Variants in COL5A1 observed in about 807,000 individuals in gnomAD.
COL5A1 encodes the protein collagen type V alpha 1 chain.
Under a neutral mutation model 263.7 loss-of-function variants are expected in COL5A1, and 16 were observed. That is an observed-to-expected ratio of 0.06 (90% CI 0.04 to 0.09). COL5A1 has a LOEUF of 0.09. Ranked by LOEUF, COL5A1 falls within the 10% of genes least tolerant of loss-of-function variation. COL5A1 has a pLI of 1.00. For missense variants in COL5A1, 2,036 were observed against 2,540.5 expected, an observed-to-expected ratio of 0.80 and a Z score of 4.27; for synonymous variants, 1,012 against 1,004.5, an observed-to-expected ratio of 1.01 and a Z score of -0.14.
intron 11 of COL5A1, among the ~76,000 whole-genome samples, chr9:134,748,226 C>T (rs1208481238): frequency 2.0e-5 from 3 of 151,762 alleles, no homozygotes; most frequent in Non-Finnish European, 2.9e-5. Context: ...CATTCATATG[C>T]ACACCCACAC....
intron 28 of COL5A1, among the ~76,000 whole-genome samples, chr9:134,781,034 G>C (rs79631623): frequency 0.027 from 4,042 of 152,352 alleles, 148 homozygotes; most frequent in South Asian, 0.077. Flanking sequence ...TGGAGTGCGG[G>C]TGCTGGCGTG....
chr9:134,758,337 A>C lies in COL5A1; in HGVS notation c.1935+41A>C, dbSNP rs763589802. On this transcript the variant is annotated intron_variant, in intron 18 of 65. Coordinates refer to ENST00000371817, the MANE Select transcript of COL5A1 (RefSeq NM_000093.5). This position sits in a 1 kb window ranked among gnomAD's most constrained non-coding sequence, Gnocchi z 4.1. ...GTGAGACACAGGCATGACGATGGGC[A>C]GCAGAGGTGTCTCTCGGGAGGCCCT... The C allele has an allele frequency of 1.3e-6, 2 of 1,599,684 alleles. No homozygotes were observed. The highest frequency in any genetic ancestry group is 1.7e-6 in the Non-Finnish European group (2 of 1,167,018).
intron 1 of COL5A1, among the ~76,000 whole-genome samples, chr9:134,688,419 G>A (rs1183686772): frequency 1.3e-5 from 2 of 152,222 alleles, no homozygotes; most frequent in South Asian, 2.1e-4. Flanking sequence ...GGCAGCTGGC[G>A]CATCCTCTCT....
chr9:134,767,047 C>T lies in COL5A1; in HGVS notation c.2181C>T (p.Gly727=), dbSNP rs201298716. The change falls in exon 23 of 66, where the codon GGC becomes GGT. Residue 727 remains glycine, a synonymous_variant. Coordinates refer to ENST00000371817, the MANE Select transcript of COL5A1 (RefSeq NM_000093.5). ...PGPPGQQGNP[G]AQGLPGPQGA... is the part of the protein sequence containing the mutation. Reference sequence around the variant, plus strand: ...CCCCAGGACAGCAGGGTAATCCAGGCGCCCAGGTAAGTGAGCCTGAGAGAG... The same window carrying T: ...CCCCAGGACAGCAGGGTAATCCAGGTGCCCAGGTAAGTGAGCCTGAGAGAG... 1.5e-5 allele frequency: 24 copies of T among 1,613,466 alleles called. No individual in the cohort carries two copies. The highest frequency in any genetic ancestry group is 9.3e-5 in the African/African-American group (7 of 75,038).
chr9:134,811,189 CT>C, intron 44 of COL5A1, 149 bp from the exon 45 acceptor site: 1 of 792,490 alleles, frequency 1.3e-6, no homozygotes, highest in Non-Finnish European at 2.3e-6. Context: ...CTGCAGCAGG[CT>C]TGCATCGTGG....
At chr9:134,733,583 A>C (rs1333870744) in intron 9 of COL5A1, among the ~76,000 whole-genome samples, 1 of 152,234 alleles carries the variant, frequency 6.6e-6, no homozygotes, top group Admixed American at 6.5e-5. Context: ...GAGGCATGAA[A>C]GGAGACTCTG....
At chr9:134,649,233 T>C (rs1831584847) in intron 1 of COL5A1, among the ~76,000 whole-genome samples, 1 of 152,170 alleles carries the variant, frequency 6.6e-6, no homozygotes, top group Non-Finnish European at 1.5e-5. Flanking sequence ...GAGTTATCCA[T>C]GTCAGATAGT....
intron 11 of COL5A1, among the ~76,000 whole-genome samples, chr9:134,750,150 A>AGTCTTTGTTTCCTGTTGGG (rs1306927059): frequency 1.3e-5 from 2 of 152,224 alleles, no homozygotes; most frequent in Admixed American, 1.3e-4. Flanking sequence ...TTGAGCCTGG[A>AGTCTTTGTTTCCTGTTGGG]GTCTTTGTTT....
chr9:134,815,727 A>G, intron 51 of COL5A1, 98 bp downstream of exon 51: 1 of 1,407,926 alleles, frequency 7.1e-7, no homozygotes, highest in Non-Finnish European at 9.9e-7. Flanking sequence ...TTTGTGATGA[A>G]CTCCCACTGG....
rs1042499561 is a variant in COL5A1, at chr9:134,714,365, G to A, written c.655-12901G>A. On this transcript the variant is annotated intron_variant, in intron 4 of 65. Coordinates refer to ENST00000371817, the MANE Select transcript of COL5A1 (RefSeq NM_000093.5). Reference sequence around the variant, plus strand: ...TGATGATGATGATAACAGTGGTGTGGTGGTAATGGTCATGATGGTAGTGAT... The same window carrying A: ...TGATGATGATGATAACAGTGGTGTGATGGTAATGGTCATGATGGTAGTGAT... 2.0e-5 allele frequency among the ~76,000 whole-genome samples: 3 copies of A among 150,644 alleles called. 1 individual carries two copies. In the South Asian group the frequency reaches 6.5e-4, roughly 32 times the overall value.
chr9:134,731,870 G>T (rs1479543642), intron 8 of COL5A1, among the ~76,000 whole-genome samples: 1 of 152,180 alleles, frequency 6.6e-6, no homozygotes, highest in Non-Finnish European at 1.5e-5. Context: ...TCTCCTCTGG[G>T]CCTGTTTCTT....
rs564027090 is a variant in COL5A1 at position 134,716,845 on chromosome 9, C to T, written c.655-10421C>T. On this transcript the variant is annotated intron_variant, in intron 4 of 65. Coordinates refer to ENST00000371817, the MANE Select transcript of COL5A1 (RefSeq NM_000093.5). The surrounding 1 kb of genome is among the most constrained non-coding windows in gnomAD (Gnocchi z 4.5). Reference sequence around the variant, plus strand: ...TGTTGTGAGTAGACTTGACCCTACACGTCTTGGGCTGGTGGCTGCAGGTGA... The same window carrying T: ...TGTTGTGAGTAGACTTGACCCTACATGTCTTGGGCTGGTGGCTGCAGGTGA... Among the ~76,000 whole-genome samples the T allele has an allele frequency of 2.1e-4, 32 of 152,290 alleles. No individual in the cohort carries two copies. The highest frequency in any genetic ancestry group is 3.4e-3 in the Middle Eastern group (1 of 294).
chr9:134,834,446 T>C (rs543327739), intron 64 of COL5A1, among the ~76,000 whole-genome samples: 7 of 152,312 alleles, frequency 4.6e-5, no homozygotes, highest in Admixed American at 3.3e-4. Context: ...CAGCTGGCAC[T>C]GCAGTGGGTG....
At chr9:134,788,129 C>A (rs549172686) in intron 31 of COL5A1, among the ~76,000 whole-genome samples, 2 of 135,428 alleles carry the variant, frequency 1.5e-5, no homozygotes, top group Admixed American at 7.3e-5. Flanking sequence ...GGGGTAGATA[C>A]ATAGATGGAT....
chr9:134,816,488 T>C (rs1156768934), intron 52 of COL5A1, among the ~76,000 whole-genome samples: 1 of 152,222 alleles, frequency 6.6e-6, no homozygotes, highest in Non-Finnish European at 1.5e-5. Flanking sequence ...AGGAGGCCCC[T>C]GAGGCCTTGC....
At chr9:134,722,370 T>C (rs1834494600) in intron 4 of COL5A1, among the ~76,000 whole-genome samples, 2 of 152,208 alleles carry the variant, frequency 1.3e-5, no homozygotes, top group African/African-American at 4.8e-5. Context: ...CCTTGGGCCC[T>C]GATGGTCGTG....
At chr9:134,809,494 C>T (rs561531949) in intron 43 of COL5A1, among the ~76,000 whole-genome samples, 28 of 152,180 alleles carry the variant, frequency 1.8e-4, no homozygotes, top group African/African-American at 5.5e-4. Context: ...GTCCCCGGCA[C>T]GCTCGAGGGA....
At chr9:134,828,535 A>C (rs978786783) in intron 63 of COL5A1, among the ~76,000 whole-genome samples, 1 of 150,748 alleles carries the variant, frequency 6.6e-6, no homozygotes, top group African/African-American at 2.5e-5. Flanking sequence ...TACACATACC[A>C]CACACCACAG....
Position 134,789,072 on chromosome 9 carries a change from T to C in COL5A1, c.2647-83T>C. 1 of 1,231,264 alleles carries C rather than the reference T, an allele frequency of 8.1e-7. No individual in the cohort carries two copies. The highest frequency in any genetic ancestry group is 1.2e-5 in the South Asian group (1 of 80,904). The allele number at this position is 1,231,264 out of a possible 1,614,324, so 76.3% of individuals were successfully genotyped here. Reference sequence around the variant, plus strand: ...CTGGGGCAGAGGCTGTGCACTGGCATGCAGGTGGTCCCCCAGGCGGCCCAT... The same window carrying C: ...CTGGGGCAGAGGCTGTGCACTGGCACGCAGGTGGTCCCCCAGGCGGCCCAT... On this transcript the variant is annotated intron_variant, in intron 31 of 65. Coordinates refer to ENST00000371817, the MANE Select transcript of COL5A1 (RefSeq NM_000093.5). This position sits in a 1 kb window ranked among gnomAD's most constrained non-coding sequence, Gnocchi z 4.8.
Sources: allele counts gnomAD v4.1 joint callset (sites outside exome capture counted in the v4.1 genomes callset), GRCh38; gene constraint gnomAD v4.1.1; non-coding constraint Gnocchi (gnomAD v3.1); transcripts MANE v1.5; gene names NCBI Gene and HGNC (gene_info 2026-07-23, HGNC 2026-07-21).